The following DHRSX variants were observed in gnomAD, a reference collection of about 807,000 sequenced individuals.
The protein encoded by DHRSX is polyprenol dehydrogenase.
Under a neutral mutation model 34.0 loss-of-function variants are expected in DHRSX, and 31 were observed. The observed-to-expected ratio is 0.91, with a 90% CI of 0.69 to 1.23. DHRSX has a LOEUF of 1.23. Among genes scored for constraint, DHRSX ranks in the 50% most tolerant of loss-of-function variants. The probability of loss-of-function intolerance (pLI) is 0.00; values close to 1 mark genes in which losing one functional copy is unlikely to be tolerated. For synonymous variants in DHRSX, 201 were observed against 183.8 expected (o/e 1.09, Z -0.76); for missense variants, 414 against 428.1 (o/e 0.97, Z 0.29).
intron 5 of DHRSX, among the ~76,000 whole-genome samples, chrX:2,258,622 G>A (rs886627370): frequency 6.6e-6 from 1 of 152,168 alleles, no homozygotes; most frequent in African/African-American, 2.4e-5. Context: ...CCAGCCTCCA[G>A]GACTGTGGGA....
intron 1 of DHRSX, among the ~76,000 whole-genome samples, chrX:2,482,413 G>A (rs2044788404): frequency 6.6e-6 from 1 of 151,902 alleles, no homozygotes; most frequent in Non-Finnish European, 1.5e-5. Flanking sequence ...ACAAGCATGA[G>A]CCACCACACC....
chrX:2,485,179 C>T (rs1482299599), intron 1 of DHRSX, among the ~76,000 whole-genome samples: 2 of 152,110 alleles, frequency 1.3e-5, no homozygotes, highest in Non-Finnish European at 2.9e-5. Context: ...GGATGAGAAC[C>T]GTCGGGGTTA....
intron 1 of DHRSX, among the ~76,000 whole-genome samples, chrX:2,473,133 A>G (rs183465244): frequency 8.5e-5 from 13 of 152,114 alleles, no homozygotes; most frequent in African/African-American, 3.1e-4. Context: ...AACGTGGCAC[A>G]GTCAGCTCGC....
intron 3 of DHRSX, among the ~76,000 whole-genome samples, chrX:2,313,249 C>T (rs770750016): frequency 6.6e-6 from 1 of 152,062 alleles, no homozygotes; most frequent in East Asian, 1.9e-4. Context: ...CTCAGGTGAT[C>T]TGCCTGCCTC....
At chrX:2,311,836 C>T (rs1263820318) in intron 3 of DHRSX, among the ~76,000 whole-genome samples, 1 of 152,076 alleles carries the variant, frequency 6.6e-6, no homozygotes, top group East Asian at 1.9e-4. Flanking sequence ...TAATGAGCGT[C>T]GATTTAATGG....
At chrX:2,297,532 G>C (rs140043206) in intron 3 of DHRSX, among the ~76,000 whole-genome samples, 4,109 of 152,216 alleles carry the variant, frequency 0.027, 205 homozygotes, top group African/African-American at 0.093. Flanking sequence ...AGATTACCTT[G>C]TATGAAAATA....
intron 4 of DHRSX, among the ~76,000 whole-genome samples, chrX:2,268,340 C>T (rs1434549052): frequency 6.6e-6 from 1 of 152,170 alleles, no homozygotes; most frequent in Non-Finnish European, 1.5e-5. Flanking sequence ...TTTGTATGTA[C>T]ATGGATAATG....
chrX:2,360,381 A>G (rs191094539), intron 3 of DHRSX, among the ~76,000 whole-genome samples: 6,117 of 152,168 alleles, frequency 0.04, 300 homozygotes, highest in African/African-American at 0.12. Context: ...GCAGGAGTTC[A>G]AGACCAGCCT....
chrX:2,268,575 A>G (rs180741259), intron 4 of DHRSX, among the ~76,000 whole-genome samples: 20 of 152,224 alleles, frequency 1.3e-4, no homozygotes, highest in Admixed American at 4.6e-4. Context: ...ACGTCTTTAC[A>G]TGCAGATTCA....
chrX:2,239,912 C>T (rs984807221), intron 6 of DHRSX, among the ~76,000 whole-genome samples: 10 of 152,254 alleles, frequency 6.6e-5, no homozygotes, highest in African/African-American at 1.7e-4. Context: ...ATACTTAGTG[C>T]TTAATAAAAT....
intron 1 of DHRSX, among the ~76,000 whole-genome samples, chrX:2,457,171 T>C (rs2044310360): frequency 6.6e-6 from 1 of 152,088 alleles, no homozygotes; most frequent in South Asian, 2.1e-4. Context: ...ATCGTCCCCA[T>C]GTATGAACTG....
intron 3 of DHRSX, among the ~76,000 whole-genome samples, chrX:2,293,253 G>GT (rs778290231): frequency 0.4 from 55,910 of 138,588 alleles, 11,294 homozygotes; most frequent in Middle Eastern, 0.49. Flanking sequence ...TGTTAAAGCT[G>GT]TTTTTTTTTT....
intron 3 of DHRSX, among the ~76,000 whole-genome samples, chrX:2,387,364 G>C (rs1307146174): frequency 6.6e-6 from 1 of 152,054 alleles, no homozygotes; most frequent in Non-Finnish European, 1.5e-5. Flanking sequence ...ATATAGAAAG[G>C]GGCATTTATT....
At chrX:2,409,429 C>A (rs1458479877) in intron 2 of DHRSX, among the ~76,000 whole-genome samples, 3 of 152,180 alleles carry the variant, frequency 2.0e-5, no homozygotes, top group South Asian at 4.1e-4. Flanking sequence ...GCCCTGCCCC[C>A]TCAACCCCTC....
At chrX:2,441,916 C>CA (rs758100154) in intron 1 of DHRSX, among the ~76,000 whole-genome samples, 179 of 151,808 alleles carry the variant, frequency 1.2e-3, no homozygotes, top group South Asian at 2.9e-3. Context: ...ACTAAAAATA[C>CA]AAAAAAAATT....
intron 3 of DHRSX, among the ~76,000 whole-genome samples, chrX:2,362,346 G>C (rs2042943209): frequency 6.6e-6 from 1 of 152,180 alleles, no homozygotes; most frequent in Non-Finnish European, 1.5e-5. Context: ...TGTTGACCAG[G>C]TTGGAATGCA....
chrX:2,219,622 C>T lies in DHRSX; in HGVS notation c.*1419G>A, dbSNP rs1262382505. 2.0e-5 allele frequency: 3 copies of T among 152,188 alleles called. No individual in the cohort carries two copies. Among genetic ancestry groups the T allele is most frequent in the Non-Finnish European group, 2.9e-5 (2 of 68,042 alleles). 9.4% of individuals were successfully genotyped at this position (152,188 alleles called of 1,614,324 possible). A position where few individuals can be genotyped will look rare whatever the true frequency, so the allele number is the denominator to read the frequency against. On this transcript the variant is annotated 3_prime_UTR_variant, in exon 7 of 7. Transcript: ENST00000334651. ...GTCATGTAAGAAGCACATGCCCCCA[C>T]AATTAGTTTGAACTCCATCCTGGAA...
At chrX:2,309,966 G>A (rs1365208533) in intron 3 of DHRSX, among the ~76,000 whole-genome samples, 2 of 152,100 alleles carry the variant, frequency 1.3e-5, no homozygotes, top group Non-Finnish European at 2.9e-5. Flanking sequence ...AGGAGGCAGC[G>A]CTTGTGGAGA....
intron 3 of DHRSX, among the ~76,000 whole-genome samples, chrX:2,326,212 G>A (rs1392162710): frequency 1.3e-5 from 2 of 152,100 alleles, no homozygotes; most frequent in Non-Finnish European, 2.9e-5. Context: ...GGCTGACAGT[G>A]GACAAGCCTA....
Sources: gnomAD v4.1 joint callset for allele counts (sites outside exome capture counted in the v4.1 genomes callset) on GRCh38, gnomAD v4.1.1 for gene constraint, MANE v1.5 for transcripts, NCBI Gene and HGNC (gene_info 2026-07-23, HGNC 2026-07-21) for gene names.